Variants in LMNTD1 observed in about 807,000 individuals in gnomAD.
The protein encoded by LMNTD1 is lamin tail domain containing 1, also known as lamin tail domain-containing protein 1.
Under a neutral mutation model 50.9 loss-of-function variants are expected in LMNTD1, and 35 were observed. That is an observed-to-expected ratio of 0.69 (90% CI 0.53 to 0.91). The LOEUF (loss-of-function observed/expected upper bound fraction) is 0.91, where lower values mean the gene tolerates loss of function less well. LMNTD1 is among the 40% of genes least tolerant of loss of function. The probability of loss-of-function intolerance (pLI) is 0.00; values close to 1 mark genes in which losing one functional copy is unlikely to be tolerated. For missense variants in LMNTD1, 470 were observed against 475.5 expected, an observed-to-expected ratio of 0.99 and a Z score of 0.11; for synonymous variants, 153 against 161.9, an observed-to-expected ratio of 0.94 and a Z score of 0.42.
chr12:25,542,916 T>C (rs1943189901), intron 4 of LMNTD1, among the ~76,000 whole-genome samples: 2 of 151,688 alleles, frequency 1.3e-5, no homozygotes, highest in Non-Finnish European at 2.9e-5. Flanking sequence ...AAAGAGAAGA[T>C]ACAGATGACC....
intron 9 of LMNTD1, among the ~76,000 whole-genome samples, chr12:25,494,231 G>A (rs561404441): frequency 1.3e-5 from 2 of 152,128 alleles, no homozygotes; most frequent in Non-Finnish European, 2.9e-5. Context: ...TTTTATTACT[G>A]ACCTTTGCAA....
At chr12:25,579,962 A>G (rs1945208780) in intron 1 of LMNTD1, among the ~76,000 whole-genome samples, 3 of 152,196 alleles carry the variant, frequency 2.0e-5, no homozygotes, top group Admixed American at 2.0e-4. Flanking sequence ...TCTGATACCC[A>G]GAGAAGAAAG....
intron 8 of LMNTD1, among the ~76,000 whole-genome samples, chr12:25,504,390 C>T (rs1410094459): frequency 6.6e-6 from 1 of 152,156 alleles, no homozygotes. Context: ...AATTGAAAGT[C>T]ACTTTGTTTA....
At chr12:25,556,004 G>A (rs983846740), upstream of LMNTD1, among the ~76,000 whole-genome samples, 18 of 122,820 alleles carry the variant, frequency 1.5e-4, no homozygotes, top group Admixed American at 2.3e-4. Flanking sequence ...GATGGATGTC[G>A]CTGTGTCATC....
chr12:25,648,226 C>T (rs141402997), intron 1 of LMNTD1, among the ~76,000 whole-genome samples: 1 of 152,218 alleles, frequency 6.6e-6, no homozygotes, highest in Non-Finnish European at 1.5e-5. Context: ...TTCATTTCGA[C>T]AGTCATGGGT....
At chr12:25,647,077 C>A (rs1363120876) in intron 1 of LMNTD1, among the ~76,000 whole-genome samples, 1 of 152,202 alleles carries the variant, frequency 6.6e-6, no homozygotes, top group Non-Finnish European at 1.5e-5. Flanking sequence ...CAAATCCTTA[C>A]AATGTCATTT....
At chr12:25,485,240 T>G (rs1422759435) in intron 9 of LMNTD1, among the ~76,000 whole-genome samples, 1 of 147,436 alleles carries the variant, frequency 6.8e-6, no homozygotes, top group African/African-American at 2.5e-5. Context: ...TTGATTTGCA[T>G]TTCTCTGATG....
At chr12:25,501,725 C>T (rs1182088283) in intron 9 of LMNTD1, among the ~76,000 whole-genome samples, 1 of 152,080 alleles carries the variant, frequency 6.6e-6, no homozygotes. Context: ...TCCAAATGTC[C>T]AGCATTACAG....
At chr12:25,610,396 G>A (rs1382379478) in intron 1 of LMNTD1, among the ~76,000 whole-genome samples, 1 of 152,122 alleles carries the variant, frequency 6.6e-6, no homozygotes, top group Admixed American at 6.5e-5. Context: ...AGTTGGAAAT[G>A]GAGAAATCAC....
chr12:25,630,950 G>A (rs1439667491), intron 1 of LMNTD1, among the ~76,000 whole-genome samples: 2 of 152,204 alleles, frequency 1.3e-5, no homozygotes, highest in African/African-American at 2.4e-5. Flanking sequence ...AACAGACTCA[G>A]GGCTCTTAGT....
chr12:25,505,857 A>T (rs1334322622), intron 8 of LMNTD1, among the ~76,000 whole-genome samples: 1 of 150,818 alleles, frequency 6.6e-6, no homozygotes, highest in Admixed American at 6.6e-5. Context: ...TAATTTAGCC[A>T]TATATGTTTA....
chr12:25,623,016 C>T (rs571055444), intron 1 of LMNTD1, among the ~76,000 whole-genome samples: 1 of 151,990 alleles, frequency 6.6e-6, no homozygotes, highest in East Asian at 1.9e-4. Flanking sequence ...TAGAGATGGG[C>T]ACACTGAAAA....
intron 4 of LMNTD1, 21 bp downstream of exon 4, chr12:25,546,353 T>C (rs199940998): frequency 1.2e-5 from 18 of 1,500,154 alleles, no homozygotes; most frequent in Middle Eastern, 2.4e-4. Context: ...AGATACTAAG[T>C]AGTTCAAATA....
In LMNTD1 at chr12:25,630,838, G is replaced by C. The variant is rs796210277; in HGVS notation, c.58+17656C>G. On this transcript the variant is annotated intron_variant, in intron 1 of 7. Coordinates refer to the LMNTD1 transcript ENST00000445693. Reference sequence around the variant, plus strand: ...GAAGCCTCGTGGCTAGAACTCAGGGGAGGGCACAAATCCATTGAGTAGACA... The same window carrying C: ...GAAGCCTCGTGGCTAGAACTCAGGGCAGGGCACAAATCCATTGAGTAGACA... 9.8e-5 allele frequency: 15 copies of C among 152,418 alleles called. 1 individual carries two copies. The highest frequency in any genetic ancestry group is 6.8e-3 in the Middle Eastern group (2 of 294). The allele number at this position is 152,418 out of a possible 1,614,324, so 9.4% of individuals were successfully genotyped here.
chr12:25,483,432 A>G (rs1938510642), intron 9 of LMNTD1, among the ~76,000 whole-genome samples: 1 of 151,596 alleles, frequency 6.6e-6, no homozygotes, highest in Non-Finnish European at 1.5e-5. Context: ...AAAAATTTAT[A>G]TTAAACAATT....
chr12:25,548,438 T>A (rs1389600480), intron 3 of LMNTD1, among the ~76,000 whole-genome samples: 4 of 151,896 alleles, frequency 2.6e-5, no homozygotes, highest in Non-Finnish European at 4.4e-5. Flanking sequence ...CCAAATCTCA[T>A]CTATTTTAAA....
Position 25,526,776 on chromosome 12 carries a change from G to C in LMNTD1, c.671C>G (p.Thr224Arg). ...LPNIVMQANS[T>R]VTVWAAASEA... ...TTATACTCTTATACTCACTGTTACT[G>C]TGGAATTTGCCTGCATTACGATGTT... The change falls in exon 5 of 10, where the codon ACA becomes AGA. Residue 224 changes from threonine (T) to arginine (R), a missense_variant. Thr to Arg is a moderately conservative substitution (Grantham distance 71). Transcript: ENST00000458174. The C allele has an allele frequency of 6.2e-7, 1 of 1,603,834 alleles. No individual in the cohort carries two copies.
chr12:25,531,372 C>A (rs1346605912), intron 4 of LMNTD1, among the ~76,000 whole-genome samples: 1 of 152,054 alleles, frequency 6.6e-6, no homozygotes, highest in Non-Finnish European at 1.5e-5. Context: ...TTTTTAGAGT[C>A]AGTTTGTCAG....
intron 1 of LMNTD1, among the ~76,000 whole-genome samples, chr12:25,565,338 G>T (rs1050512302): frequency 2.1e-4 from 32 of 151,140 alleles, no homozygotes; most frequent in African/African-American, 7.5e-4. Context: ...TATTTTTTGT[G>T]TATCCATTAT....
Sources: allele counts gnomAD v4.1 joint callset (sites outside exome capture counted in the v4.1 genomes callset), GRCh38; gene constraint gnomAD v4.1.1; transcripts MANE v1.5; gene names NCBI Gene and HGNC (gene_info 2026-07-23, HGNC 2026-07-21).